EPHA8: variants seen among roughly 807,000 people sequenced by gnomAD.
EPHA8 encodes EPH receptor A8, also known as ephrin type-A receptor 8.
A neutral mutation model predicts 103.6 loss-of-function variants in EPHA8; 58 were observed. That is an observed-to-expected ratio of 0.56 (90% CI 0.45 to 0.70). The LOEUF (loss-of-function observed/expected upper bound fraction) is 0.70. Among genes scored for constraint, EPHA8 ranks in the 30% least tolerant of loss-of-function variants. EPHA8 has a pLI of 0.00. For missense variants in EPHA8, 1,304 were observed against 1,395.2 expected (o/e 0.93, Z 1.04); for synonymous variants, 559 against 572.5 (o/e 0.98, Z 0.34).
chr1:22,593,410 A>G lies in EPHA8; in HGVS notation c.1400A>G (p.Asn467Ser), dbSNP rs771968074. 15 of 1,599,134 alleles carry G rather than the reference A, an allele frequency of 9.4e-6. No homozygotes were observed. In the South Asian group the frequency reaches 1.6e-4, roughly 17 times the overall value. The change falls in exon 6 of 17, where the codon AAC becomes AGC. Residue 467 changes from asparagine (N) to serine (S), a missense_variant. By Grantham distance (46) the Asn-to-Ser change is conservative (BLOSUM62 1). Coordinates refer to ENST00000166244, the MANE Select transcript of EPHA8 (RefSeq NM_020526.5). The stretch of plus-strand genomic sequence containing the variant: ...CTGTGGCAGGAGCCCGAGCAGCCGA[A>G]CGGCATCATCCTGGAGTATGAGATC... ...SLLWQEPEQPNGIILEYEIKY... is the reference protein window; with the variant it reads ...SLLWQEPEQPSGIILEYEIKY...
intron 5 of EPHA8, among the ~76,000 whole-genome samples, chr1:22,590,959 A>C: frequency 6.8e-6 from 1 of 147,106 alleles, no homozygotes; most frequent in Admixed American, 6.8e-5. Flanking sequence ...ATCCCCCCCT[A>C]AAGCCCCAGG....
Position 22,600,983 on chromosome 1 carries a change from G to A in EPHA8, c.2624G>A (p.Trp875Ter), listed in dbSNP as rs749071269. ...HALHQLMLDCWHKDRAQRPRF... is the reference protein window; with the variant it reads ...HALHQLMLDC Reference sequence around the variant, plus strand: ...CTGCACCAGCTCATGCTCGACTGTTGGCACAAGGACCGGGCGCAGCGGCCT... The same window carrying A: ...CTGCACCAGCTCATGCTCGACTGTTAGCACAAGGACCGGGCGCAGCGGCCT... Residue 875 changes from tryptophan to a stop codon, truncating the protein, a stop_gained, in exon 15 of 17, where the codon TGG becomes TAG. Coordinates refer to ENST00000166244, the MANE Select transcript of EPHA8 (RefSeq NM_020526.5). LOFTEE classifies it high-confidence loss of function. 5 of 1,613,016 alleles carry A rather than the reference G, an allele frequency of 3.1e-6. No homozygotes were observed. The South Asian group carries it at 5.5e-5, about 18-fold the overall frequency.
chr1:22,575,100 G>A (rs12097290), intron 2 of EPHA8, among the ~76,000 whole-genome samples: 4,666 of 152,180 alleles, frequency 0.031, 247 homozygotes, highest in African/African-American at 0.11. Context: ...ATAGGCACCC[G>A]CCACTGCACC....
Position 22,602,067 on chromosome 1 carries a change from G to C in EPHA8, c.*326G>C, listed in dbSNP as rs192246549. Reference sequence around the variant, plus strand: ...GTGTGCGTGCATGTGTGTGTGTGGTGGGGGGTGTTCTCACAAGGTCATGGG... The same window carrying C: ...GTGTGCGTGCATGTGTGTGTGTGGTCGGGGGTGTTCTCACAAGGTCATGGG... On this transcript the variant is annotated 3_prime_UTR_variant, in exon 17 of 17. Transcript: ENST00000166244. 28 of 453,532 alleles carry C rather than the reference G, an allele frequency of 6.2e-5. No homozygotes were observed. Among genetic ancestry groups the C allele is most frequent in the Middle Eastern group, 6.0e-4 (1 of 1,668 alleles). 28.1% of individuals were successfully genotyped at this position (453,532 alleles called of 1,614,324 possible). A position where few individuals can be genotyped will look rare whatever the true frequency, so the allele number is the denominator to read the frequency against.
At position 22,597,890 on chromosome 1, in the gene EPHA8, C is replaced by T. The variant is rs768664938; in HGVS notation, c.2116+29C>T. ...GGTGCCGGGCAAAGACAGCCTCCCC[C>T]TGCAGTGCCCCTCCTGCCTGGAGAG... On this transcript the variant is annotated intron_variant, in intron 11 of 16. Transcript: ENST00000166244. This position sits in a 1 kb window ranked among gnomAD's most constrained non-coding sequence, Gnocchi z 4.6. The T allele has an allele frequency of 6.9e-6, 11 of 1,591,508 alleles. No individual in the cohort carries two copies. In the East Asian group the frequency reaches 2.2e-4, roughly 32 times the overall value.
rs564111068 is a variant in EPHA8, at chr1:22,578,792, T to A, written c.823+1912T>A. Among the ~76,000 whole-genome samples, 19 of 151,452 alleles carry A rather than the reference T, an allele frequency of 1.3e-4. No individual in the cohort carries two copies. In the East Asian group the frequency reaches 3.7e-3, roughly 29 times the overall value. On this transcript the variant is annotated intron_variant, in intron 3 of 16. Transcript: ENST00000166244. ...GTATGTGTACGTGTGGGCATATGTA[T>A]GTGTGCGTGTGTGCATGTATGTGTA...
In EPHA8 at chr1:22,593,387, G is replaced by A. The variant is rs1641426213; in HGVS notation, c.1377G>A (p.Leu459=). The change falls in exon 6 of 17, where the codon CTG becomes CTA. Residue 459 remains leucine, a synonymous_variant. Coordinates refer to ENST00000166244, the MANE Select transcript of EPHA8 (RefSeq NM_020526.5). ...ERAGQTSVSL[L]WQEPEQPNGI... is the part of the protein sequence containing the mutation. The stretch of plus-strand genomic sequence containing the variant: ...CGGGGCAGACCAGCGTCTCGCTGCT[G>A]TGGCAGGAGCCCGAGCAGCCGAACG... 2 of 1,590,324 alleles carry A rather than the reference G, an allele frequency of 1.3e-6. No individual in the cohort carries two copies. The highest frequency in any genetic ancestry group is 1.7e-6 in the Non-Finnish European group (2 of 1,169,982).
At chr1:22,579,137 G>A (rs1437447308) in intron 3 of EPHA8, among the ~76,000 whole-genome samples, 3 of 151,610 alleles carry the variant, frequency 2.0e-5, no homozygotes, top group Non-Finnish European at 2.9e-5. Context: ...GTGCATGTGT[G>A]TGTGCATATG....
In EPHA8 at chr1:22,586,516, A is replaced by G; in HGVS notation, c.860A>G (p.Asp287Gly). Residue 287 changes from aspartate to glycine, a missense_variant, in exon 4 of 17, where the codon GAC (aspartate) becomes GGC (glycine). By Grantham distance (94) the Asp-to-Gly change is moderately conservative. Transcript: ENST00000166244. Reference sequence around the variant, plus strand: ...GGCTTCTACAAGTCAGCCCCTGGGGACCAGCTGTGTGCCCGCTGCCCTCCC... The same window carrying G: ...GGCTTCTACAAGTCAGCCCCTGGGGGCCAGCTGTGTGCCCGCTGCCCTCCC... The part of the protein sequence containing the change: ...ELGFYKSAPG[D>G]QLCARCPPHS... 1 of 1,613,288 alleles carries G rather than the reference A, an allele frequency of 6.2e-7. No homozygotes were observed. The highest frequency in any genetic ancestry group is 1.1e-5 in the South Asian group (1 of 90,990).
intron 3 of EPHA8, among the ~76,000 whole-genome samples, chr1:22,578,128 A>G (rs1028980746): frequency 6.8e-5 from 5 of 73,356 alleles, no homozygotes; most frequent in African/African-American, 2.0e-4. Flanking sequence ...GAGTGTATGC[A>G]TGTGTGCATG....
intron 4 of EPHA8, among the ~76,000 whole-genome samples, 153 bp downstream of exon 4, chr1:22,586,788 G>GT (rs1641224739): frequency 6.6e-6 from 1 of 152,096 alleles, no homozygotes; most frequent in Non-Finnish European, 1.5e-5. Context: ...GGTGGGGGGG[G>GT]TGACTCTGAT....
At chr1:22,599,069 C>A in intron 13 of EPHA8, 22 bp downstream of exon 13, 1 of 1,575,688 alleles carries the variant, frequency 6.3e-7, no homozygotes. Flanking sequence ...ACACTCCTTC[C>A]GGCTAGACTG....
At position 22,595,350 on chromosome 1, in the gene EPHA8, AGC is replaced by A. The variant is rs1641489368; in HGVS notation, c.1697+28_1697+29del. On this transcript the variant is annotated intron_variant, in intron 8 of 16. Coordinates refer to ENST00000166244, the MANE Select transcript of EPHA8 (RefSeq NM_020526.5). The stretch of plus-strand genomic sequence containing the variant: ...TGGGTGGTCTGGCCCAGCCACACCC[AGC>A]CCCTCCTCTCAAGCACCGTACCTCC... 3.8e-6 allele frequency: 6 copies of A among 1,596,092 alleles called. No homozygotes were observed. The East Asian group carries it at 1.1e-4, about 30-fold the overall frequency.
Position 22,597,576 on chromosome 1 carries a change from G to A in EPHA8, c.1930+100G>A, listed in dbSNP as rs2148265744. 1.3e-6 allele frequency: 2 copies of A among 1,556,764 alleles called. No individual in the cohort carries two copies. Among genetic ancestry groups the A allele is most frequent in the African/African-American group, 1.4e-5 (1 of 73,642 alleles). On this transcript the variant is annotated intron_variant, in intron 10 of 16. Coordinates refer to ENST00000166244, the MANE Select transcript of EPHA8 (RefSeq NM_020526.5). This position sits in a 1 kb window ranked among gnomAD's most constrained non-coding sequence, Gnocchi z 4.6. ...CAGGGCAGAGGGAGCGTGTGACCCA[G>A]GGGTCTGGCAAGCCCAGGGGGTCCA...
At chr1:22,594,678 C>T (rs903158195) in intron 7 of EPHA8, among the ~76,000 whole-genome samples, 7 of 152,188 alleles carry the variant, frequency 4.6e-5, no homozygotes, top group South Asian at 2.1e-4. Flanking sequence ...GCTCCCTGGG[C>T]GTCTGAGTGC....
At chr1:22,578,876 C>CGT (rs138678721) in intron 3 of EPHA8, among the ~76,000 whole-genome samples, 12,580 of 119,888 alleles carry the variant, frequency 0.1, 578 homozygotes, top group South Asian at 0.21. Context: ...TGCACGTGTC[C>CGT]GTGTGTCCGT....
At chr1:22,594,746 C>T (rs1010770045) in intron 7 of EPHA8, among the ~76,000 whole-genome samples, 6 of 152,208 alleles carry the variant, frequency 3.9e-5, no homozygotes, top group African/African-American at 1.4e-4. Context: ...AATCCTGAGC[C>T]CTCCATCCCA....
rs1028524459 is a variant in EPHA8 at position 22,597,968 on chromosome 1, C to T, written c.2116+107C>T. 5.4e-6 allele frequency: 8 copies of T among 1,489,950 alleles called. No homozygotes were observed. Among genetic ancestry groups the T allele is most frequent in the Non-Finnish European group, 7.4e-6 (8 of 1,088,366 alleles). The allele number at this position is 1,489,950 out of a possible 1,614,324, so 92.3% of individuals were successfully genotyped here. On this transcript the variant is annotated intron_variant, in intron 11 of 16. Transcript: ENST00000166244. The surrounding 1 kb of genome is among the most constrained non-coding windows in gnomAD (Gnocchi z 4.6). The stretch of plus-strand genomic sequence containing the variant: ...CTGCTCTGCCCCACCTGACCCTGTC[C>T]TCTTGGTTCAGGTCCCTGAATGACT...
chr1:22,584,513 A>G (rs1641134629), intron 3 of EPHA8, among the ~76,000 whole-genome samples: 1 of 152,244 alleles, frequency 6.6e-6, no homozygotes, highest in African/African-American at 2.4e-5. Flanking sequence ...AATTTTACAA[A>G]TGAACCTGGT....
Sources: allele counts gnomAD v4.1 joint callset (sites outside exome capture counted in the v4.1 genomes callset), GRCh38; gene constraint gnomAD v4.1.1; non-coding constraint Gnocchi (gnomAD v3.1); transcripts MANE v1.5; gene names NCBI Gene and HGNC (gene_info 2026-07-23, HGNC 2026-07-21).